Variants in EPB41L1 observed in about 807,000 individuals in gnomAD.
EPB41L1 encodes the protein erythrocyte membrane protein band 4.1 like 1, also known as band 4.1-like protein 1.
In EPB41L1, 29 loss-of-function variants were observed where a neutral mutation model predicts 97.8. The ratio of observed to expected loss-of-function variants is 0.30; its 90% CI spans 0.22 to 0.40. EPB41L1 has a LOEUF of 0.40. Ranked by LOEUF, EPB41L1 falls within the 10% of genes least tolerant of loss-of-function variation. The probability of loss-of-function intolerance (pLI) is 1.00; values close to 1 mark genes in which losing one functional copy is unlikely to be tolerated. For synonymous variants in EPB41L1, 383 were observed against 459.2 expected, an observed-to-expected ratio of 0.83 and a Z score of 2.12; for missense variants, 812 against 1,162.3, an observed-to-expected ratio of 0.70 and a Z score of 4.38.
At position 36,092,602 on chromosome 20, in the gene EPB41L1, G is replaced by T. The variant is rs1286417503; in HGVS notation, c.-65+990G>T. ...GGGATCGCCGCCGCCTCCTCCGGGG[G>T]AGCCGGCCGGGGCGGGGCGGAGCGG... is the stretch of plus-strand genomic sequence containing the variant. On this transcript the variant is annotated intron_variant, in intron 1 of 19. Coordinates refer to the EPB41L1 transcript ENST00000202028. The surrounding 1 kb of genome is among the most constrained non-coding windows in gnomAD (Gnocchi z 7.0). The T allele has an allele frequency of 6.6e-6, 1 of 151,834 alleles. No individual in the cohort carries two copies. Among genetic ancestry groups the T allele is most frequent in the Admixed American group, 6.6e-5 (1 of 15,230 alleles). 9.4% of individuals were successfully genotyped at this position (151,834 alleles called of 1,614,324 possible). A position where few individuals can be genotyped will look rare whatever the true frequency, so the allele number is the denominator to read the frequency against.
intron 2 of EPB41L1, among the ~76,000 whole-genome samples, chr20:36,117,660 C>T (rs1690581358): frequency 8.5e-6 from 1 of 117,130 alleles, no homozygotes; most frequent in Non-Finnish European, 1.7e-5. Context: ...TCCAAGGTTA[C>T]ACAGACAGAG....
intron 21 of EPB41L1, among the ~76,000 whole-genome samples, chr20:36,225,488 G>A (rs757359168): frequency 9.2e-5 from 14 of 152,132 alleles, no homozygotes; most frequent in Non-Finnish European, 1.3e-4. Flanking sequence ...GGGAGTCCGC[G>A]TGCAGCCAGG....
At chr20:36,172,625 G>A (rs935221739) in intron 1 of EPB41L1, among the ~76,000 whole-genome samples, 8 of 152,072 alleles carry the variant, frequency 5.3e-5, no homozygotes, top group African/African-American at 1.9e-4. Context: ...TTTGGAGAAG[G>A]AGTCTCACAC....
At chr20:36,152,951 C>T (rs1195658684), upstream of EPB41L1, 1 of 455,960 alleles carries the variant, frequency 2.2e-6, no homozygotes, top group South Asian at 1.5e-5. Flanking sequence ...GTCTGTCTTC[C>T]CACCTTCTGT....
Position 36,185,248 on chromosome 20 carries a change from T to C in EPB41L1, c.698T>C (p.Val233Ala). ...ELGDYDAEEH[V>A]GNYVSELRFA... ...GGTGACTATGATGCTGAGGAGCATGTGGGCAACTATGTCAGCGAGCTCCGC... is the reference window on the plus strand; with the variant it reads ...GGTGACTATGATGCTGAGGAGCATGCGGGCAACTATGTCAGCGAGCTCCGC... Residue 233 changes from valine to alanine, a missense_variant, in exon 7 of 22, where the codon GTG (valine) becomes GCG (alanine). Val to Ala is a moderately conservative substitution (Grantham distance 64). This residue lies in a region of EPB41L1 where 230 missense variants were observed against 445.2 expected (regional missense o/e 0.52). Coordinates refer to ENST00000338074, the MANE Select transcript of EPB41L1 (RefSeq NM_012156.2). The C allele has an allele frequency of 1.9e-6, 3 of 1,613,966 alleles. No individual in the cohort carries two copies. The highest frequency in any genetic ancestry group is 2.5e-6 in the Non-Finnish European group (3 of 1,180,034).
chr20:36,111,877 G>C (rs944016478), intron 1 of EPB41L1, among the ~76,000 whole-genome samples: 6 of 152,080 alleles, frequency 3.9e-5, no homozygotes, highest in African/African-American at 7.2e-5. Context: ...ACTGAAGCAA[G>C]GAAAGGCCAA....
rs2062868518 is a variant in EPB41L1 at position 36,207,187 on chromosome 20, C to A, written c.1669-2301C>A. The A allele has an allele frequency of 7.8e-7, 1 of 1,287,836 alleles. No homozygotes were observed. The highest frequency in any genetic ancestry group is 1.0e-6 in the Non-Finnish European group (1 of 987,598). The allele number at this position is 1,287,836 out of a possible 1,614,324, so 79.8% of individuals were successfully genotyped here. A position where few individuals can be genotyped will look rare whatever the true frequency, so the allele number is the denominator to read the frequency against. ...AGGGGAGCCTTCGGAGCTCAGGGAGCCCTTTCTTAGACATGTCCATCTTTC... is the reference window on the plus strand; with the variant it reads ...AGGGGAGCCTTCGGAGCTCAGGGAGACCTTTCTTAGACATGTCCATCTTTC... On this transcript the variant is annotated intron_variant, in intron 14 of 21. Transcript: ENST00000338074. This position sits in a 1 kb window ranked among gnomAD's most constrained non-coding sequence, Gnocchi z 4.9.
At chr20:36,216,029 G>C (rs1218088951) in intron 17 of EPB41L1, among the ~76,000 whole-genome samples, 1 of 152,194 alleles carries the variant, frequency 6.6e-6, no homozygotes, top group Non-Finnish European at 1.5e-5. Flanking sequence ...GCTGATGTGA[G>C]GGGGAACGAA....
At chr20:36,170,509 C>G (rs1003440014) in intron 1 of EPB41L1, among the ~76,000 whole-genome samples, 1 of 152,012 alleles carries the variant, frequency 6.6e-6, no homozygotes, top group Non-Finnish European at 1.5e-5. Flanking sequence ...TTCCTTAACT[C>G]TTTAGAGTGG....
At chr20:36,096,312 A>T (rs553497258) in intron 1 of EPB41L1, among the ~76,000 whole-genome samples, 1 of 152,290 alleles carries the variant, frequency 6.6e-6, no homozygotes, top group East Asian at 1.9e-4. Context: ...ATCTTGGACA[A>T]GTCTCTCCTT....
At chr20:36,155,064 G>T (rs752806362) in intron 1 of EPB41L1, 168 bp downstream of exon 1, 9 of 641,478 alleles carry the variant, frequency 1.4e-5, no homozygotes, top group African/African-American at 7.6e-5. Context: ...CCTACCTACC[G>T]GTCTGCAGCC....
intron 3 of EPB41L1, among the ~76,000 whole-genome samples, chr20:36,177,018 C>T (rs2061269668): frequency 1.3e-5 from 2 of 152,182 alleles, no homozygotes; most frequent in East Asian, 1.9e-4. Flanking sequence ...TCTCTCCTAC[C>T]TTGATGGGCC....
intron 1 of EPB41L1, among the ~76,000 whole-genome samples, chr20:36,109,521 T>C (rs1302410297): frequency 6.6e-6 from 1 of 152,226 alleles, no homozygotes; most frequent in African/African-American, 2.4e-5. Context: ...ACGACAGTAC[T>C]GTTGCATCCA....
At chr20:36,205,433 A>G (rs2062746678) in intron 14 of EPB41L1, among the ~76,000 whole-genome samples, 1 of 152,218 alleles carries the variant, frequency 6.6e-6, no homozygotes, top group Admixed American at 6.5e-5. Flanking sequence ...ACATTGTAAG[A>G]GTACTTTTGA....
At chr20:36,118,209 AAC>A (rs1434274801) in intron 2 of EPB41L1, among the ~76,000 whole-genome samples, 1 of 152,196 alleles carries the variant, frequency 6.6e-6, no homozygotes, top group Non-Finnish European at 1.5e-5. Flanking sequence ...CATTAAATAA[AAC>A]ACAGATGGTG....
At chr20:36,202,412 C>T (rs1302868876) in intron 14 of EPB41L1, among the ~76,000 whole-genome samples, 6 of 152,190 alleles carry the variant, frequency 3.9e-5, no homozygotes, top group African/African-American at 4.8e-5. Context: ...GAACACCTCC[C>T]CTTCCCTAGA....
At chr20:36,114,000 G>A (rs1386692535) in intron 2 of EPB41L1, among the ~76,000 whole-genome samples, 1 of 152,200 alleles carries the variant, frequency 6.6e-6, no homozygotes, top group East Asian at 1.9e-4. Context: ...GACAGGAAAT[G>A]TGAGAGATAA....
chr20:36,219,922 T>C, intron 19 of EPB41L1, 78 bp downstream of exon 19: 1 of 1,274,868 alleles, frequency 7.8e-7, no homozygotes. Context: ...TGCTTCGGCT[T>C]CGCCATCTGT....
intron 15 of EPB41L1, among the ~76,000 whole-genome samples, chr20:36,210,778 C>T (rs937918276): frequency 3.3e-5 from 5 of 152,226 alleles, no homozygotes; most frequent in South Asian, 2.1e-4. Flanking sequence ...CTATCCAAAG[C>T]GGTCAGGTCA....
Sources: allele counts gnomAD v4.1 joint callset (sites outside exome capture counted in the v4.1 genomes callset), GRCh38; gene constraint gnomAD v4.1.1; regional missense constraint gnomAD v4.1.1; non-coding constraint Gnocchi (gnomAD v3.1); transcripts MANE v1.5; gene names NCBI Gene and HGNC (gene_info 2026-07-23, HGNC 2026-07-21).